RASA2: variants seen among roughly 807,000 people sequenced by gnomAD.
RASA2 encodes RAS p21 protein activator 2, also known as ras GTPase-activating protein 2.
In RASA2, 155 loss-of-function variants were observed where a neutral mutation model predicts 118.2. The observed-to-expected ratio is 1.31, with a 90% CI of 1.15 to 1.50. The LOEUF is 1.50. Ranked by LOEUF, RASA2 falls within the 40% of genes most tolerant of loss-of-function variation. The pLI is 0.00. For synonymous variants in RASA2, 353 were observed against 349.1 expected (o/e 1.01, Z -0.12); for missense variants, 1,016 against 1,009.6 (o/e 1.01, Z -0.09).
intron 4 of RASA2, among the ~76,000 whole-genome samples, chr3:141,535,863 A>G (rs920931571): frequency 2.6e-5 from 4 of 152,188 alleles, no homozygotes; most frequent in Admixed American, 2.6e-4. Context: ...CCCACCTCCA[A>G]CACTGGGGAT....
At chr3:141,572,586 G>T in intron 11 of RASA2, 23 bp from the exon 12 acceptor site, 1 of 1,514,784 alleles carries the variant, frequency 6.6e-7, no homozygotes. Flanking sequence ...TACTACATTT[G>T]GTTTCATCTA....
chr3:141,490,446 T>A (rs2081627602), intron 1 of RASA2, among the ~76,000 whole-genome samples: 1 of 152,108 alleles, frequency 6.6e-6, no homozygotes, highest in Admixed American at 6.6e-5. Flanking sequence ...CCTTTTTGAT[T>A]AGCACTTGTT....
chr3:141,508,378 GT>G (rs1342364830), intron 1 of RASA2, among the ~76,000 whole-genome samples: 18 of 148,638 alleles, frequency 1.2e-4, no homozygotes, highest in South Asian at 6.4e-4. Context: ...GGTTTTTTGG[GT>G]TTTTTTTTTC....
At chr3:141,589,494 A>G (rs902065918) in intron 19 of RASA2, among the ~76,000 whole-genome samples, 2 of 152,140 alleles carry the variant, frequency 1.3e-5, no homozygotes, top group Non-Finnish European at 2.9e-5. Flanking sequence ...AAAATTTTGC[A>G]TATAATATCA....
chr3:141,610,167 C>T (rs2083615721), intron 23 of RASA2, 101 bp downstream of exon 23: 1 of 1,027,254 alleles, frequency 9.7e-7, no homozygotes, highest in South Asian at 2.0e-5. Context: ...CATCTGTCAA[C>T]ATCCCGCTCA....
intron 4 of RASA2, among the ~76,000 whole-genome samples, chr3:141,531,891 C>T (rs1160340226): frequency 6.6e-6 from 1 of 151,986 alleles, no homozygotes; most frequent in Non-Finnish European, 1.5e-5. Flanking sequence ...GATAGAAAAT[C>T]ATCCCATGGT....
chr3:141,522,913 C>G (rs2151089304), intron 3 of RASA2, among the ~76,000 whole-genome samples: 1 of 152,124 alleles, frequency 6.6e-6, no homozygotes, highest in South Asian at 2.1e-4. Flanking sequence ...GTATCACTTT[C>G]TCCATTTTTA....
At chr3:141,548,251 T>C (rs137975607) in intron 5 of RASA2, among the ~76,000 whole-genome samples, 113 of 152,198 alleles carry the variant, frequency 7.4e-4, no homozygotes, top group Middle Eastern at 3.4e-3. Flanking sequence ...CTGAGTAGGA[T>C]TGGTATTAGT....
chr3:141,610,013 A>G lies in RASA2; in HGVS notation c.2466A>G (p.Glu822=). 1 of 1,604,772 alleles carries G rather than the reference A, an allele frequency of 6.2e-7. No homozygotes were observed. Among genetic ancestry groups the G allele is most frequent in the Non-Finnish European group, 8.5e-7 (1 of 1,175,846 alleles). ...QIKSIIEKLD[E]PHEKYRKKRS... ...AAAGCATAATTGAGAAGCTGGATGA[A>G]CCTCATGAAAAATATAGGAAGAAAA... The change falls in exon 23 of 24, where the codon GAA becomes GAG. Residue 822 remains glutamate, a synonymous_variant. Coordinates refer to ENST00000286364, the MANE Select transcript of RASA2 (RefSeq NM_006506.5).
intron 19 of RASA2, chr3:141,600,514 A>G (rs1054288347): frequency 3.2e-6 from 1 of 317,150 alleles, no homozygotes; most frequent in African/African-American, 2.2e-5. Flanking sequence ...GCAGGTGGCC[A>G]TGTCATCGTA....
rs115019359 is a variant in RASA2, at chr3:141,568,304, A to G, written c.864-2608A>G. Among the ~76,000 whole-genome samples, 686 of 152,236 alleles carry G rather than the reference A, an allele frequency of 4.5e-3. 4 individuals carry two copies. The highest frequency in any genetic ancestry group is 0.017 in the Middle Eastern group (5 of 294). ...ATACAGGAGAGTAGAATATGATAAC[A>G]TTTTTGTAAACTGACTAATAGGCTC... On this transcript the variant is annotated intron_variant, in intron 9 of 23. Transcript: ENST00000286364.
chr3:141,566,070 T>C (rs1210750507), intron 9 of RASA2, among the ~76,000 whole-genome samples: 1 of 152,234 alleles, frequency 6.6e-6, no homozygotes, highest in Admixed American at 6.5e-5. Flanking sequence ...TGAATTAATA[T>C]ATTAGAGGAG....
At chr3:141,491,187 A>G (rs1259403173) in intron 1 of RASA2, among the ~76,000 whole-genome samples, 4 of 152,028 alleles carry the variant, frequency 2.6e-5, no homozygotes, top group African/African-American at 9.7e-5. Flanking sequence ...TCCACTATCC[A>G]TTGTATACAG....
chr3:141,544,469 G>A (rs2082454823), intron 5 of RASA2, among the ~76,000 whole-genome samples: 1 of 151,922 alleles, frequency 6.6e-6, no homozygotes, highest in Admixed American at 6.6e-5. Flanking sequence ...TTTTCCCTCT[G>A]TTGTTCAAAT....
chr3:141,585,937 CATTATA>C, intron 17 of RASA2, 82 bp from the exon 18 acceptor site: 1 of 978,758 alleles, frequency 1.0e-6, no homozygotes, highest in East Asian at 2.7e-5. Context: ...AAGAACTTCC[CATTATA>C]ATTAATGACA....
At position 141,568,465 on chromosome 3, in the gene RASA2, G is replaced by C. The variant is rs746142676; in HGVS notation, c.864-2447G>C. 9.9e-4 allele frequency among the ~76,000 whole-genome samples: 151 copies of C among 151,958 alleles called. 1 individual carries two copies. The highest frequency in any genetic ancestry group is 2.0e-3 in the Non-Finnish European group (139 of 67,952). ...CTAAGAGAAGCGGAGGTGCAGAATG[G>C]TAGTGTTTTGAAGATAGGAAAAAAG... On this transcript the variant is annotated intron_variant, in intron 9 of 23. Coordinates refer to ENST00000286364, the MANE Select transcript of RASA2 (RefSeq NM_006506.5).
chr3:141,512,646 C>A (rs772444126), intron 2 of RASA2, among the ~76,000 whole-genome samples: 9 of 152,092 alleles, frequency 5.9e-5, no homozygotes, highest in Non-Finnish European at 1.0e-4. Context: ...AGTGTAATTG[C>A]CCTTTGAGAG....
intron 7 of RASA2, among the ~76,000 whole-genome samples, chr3:141,556,541 G>T (rs1413639505): frequency 6.6e-6 from 1 of 151,902 alleles, no homozygotes. Flanking sequence ...CAGCTGCCTT[G>T]AAGTTGTCCC....
At chr3:141,591,145 T>C (rs1481029423) in intron 19 of RASA2, among the ~76,000 whole-genome samples, 2 of 152,248 alleles carry the variant, frequency 1.3e-5, no homozygotes, top group African/African-American at 4.8e-5. Context: ...CTAGCCTCTT[T>C]ATGTCTCATT....
Sources: gnomAD v4.1 joint callset for allele counts (sites outside exome capture counted in the v4.1 genomes callset) on GRCh38, gnomAD v4.1.1 for gene constraint, MANE v1.5 for transcripts, NCBI Gene and HGNC (gene_info 2026-07-23, HGNC 2026-07-21) for gene names.